EBF4: variants seen among roughly 807,000 people sequenced by gnomAD.
EBF4 encodes the protein transcription factor COE4.
A neutral mutation model predicts 67.1 loss-of-function variants in EBF4; 34 were observed. That is an observed-to-expected ratio of 0.51 (90% CI 0.39 to 0.67). The LOEUF (loss-of-function observed/expected upper bound fraction) is 0.67, where lower values mean the gene tolerates loss of function less well. Ranked by LOEUF, EBF4 falls within the 30% of genes least tolerant of loss-of-function variation. The pLI is 0.00. For synonymous variants in EBF4, 387 were observed against 377.7 expected, an observed-to-expected ratio of 1.02 and a Z score of -0.29; for missense variants, 837 against 873.3, an observed-to-expected ratio of 0.96 and a Z score of 0.52.
intron 5 of EBF4, among the ~76,000 whole-genome samples, chr20:2,708,530 G>A (rs1158133903): frequency 1.3e-5 from 2 of 152,194 alleles, no homozygotes; most frequent in Non-Finnish European, 2.9e-5. Context: ...AGGGTCCTCG[G>A]AGGCAGTTCC....
intron 6 of EBF4, among the ~76,000 whole-genome samples, chr20:2,742,753 G>A (rs1400356568): frequency 6.6e-6 from 1 of 152,112 alleles, no homozygotes; most frequent in East Asian, 1.9e-4. Context: ...CTCCTTTTCA[G>A]CCCCATAGGG....
intron 10 of EBF4, among the ~76,000 whole-genome samples, chr20:2,750,228 C>A (rs1025477462): frequency 1.3e-5 from 2 of 152,122 alleles, no homozygotes; most frequent in African/African-American, 4.8e-5. Flanking sequence ...GTCCCCCCCA[C>A]AACCAACATT....
chr20:2,723,091 A>G (rs1273311754), intron 6 of EBF4, among the ~76,000 whole-genome samples: 1 of 152,194 alleles, frequency 6.6e-6, no homozygotes, highest in Non-Finnish European at 1.5e-5. Context: ...TGACACATAT[A>G]TATTATTACT....
intron 6 of EBF4, among the ~76,000 whole-genome samples, chr20:2,720,633 C>T (rs902572430): frequency 2.0e-5 from 3 of 152,158 alleles, no homozygotes; most frequent in Non-Finnish European, 2.9e-5. Context: ...TTTATTTTTA[C>T]GTGTTATAAA....
intron 6 of EBF4, among the ~76,000 whole-genome samples, chr20:2,720,902 C>A (rs1195569672): frequency 6.6e-6 from 1 of 152,110 alleles, no homozygotes; most frequent in African/African-American, 2.4e-5. Context: ...AGATGTCGCT[C>A]CACTGTCTTC....
chr20:2,716,125 G>A (rs536439316), intron 6 of EBF4, among the ~76,000 whole-genome samples: 2 of 151,884 alleles, frequency 1.3e-5, no homozygotes, highest in South Asian at 4.2e-4. Flanking sequence ...CAGAGGTTGA[G>A]GTGGGAGGAT....
At chr20:2,693,007 CGCT>C (rs1417496110), upstream of EBF4, 5 of 136,584 alleles carry the variant, frequency 3.7e-5, no homozygotes, top group South Asian at 2.0e-4. This position sits in a 1 kb window ranked among gnomAD's most constrained non-coding sequence, Gnocchi z 4.6. Flanking sequence ...GGGGCGCTGG[CGCT>C]GGCGGCGGCG....
rs1311825271 is a variant in EBF4 at position 2,755,043 on chromosome 20, G to C, written c.1541-584G>C. ...GCTGTAAGGAAACAAAGTACCCCAG[G>C]GTGCAGGGGGAAGTGGGAGAGGGAC... On this transcript the variant is annotated intron_variant, in intron 14 of 16. Coordinates refer to ENST00000609451, the Ensembl canonical transcript of EBF4. The surrounding 1 kb of genome is among the most constrained non-coding windows in gnomAD (Gnocchi z 4.7). 6.8e-6 allele frequency: 1 copy of C among 147,558 alleles called. No homozygotes were observed. Among genetic ancestry groups the C allele is most frequent in the Admixed American group, 7.1e-5 (1 of 14,180 alleles). The allele number at this position is 147,558 out of a possible 1,614,324, so 9.1% of individuals were successfully genotyped here.
In EBF4 at chr20:2,696,729, C is replaced by T. The variant is rs1047043931; in HGVS notation, c.137+2947C>T. Among the ~76,000 whole-genome samples the T allele has an allele frequency of 6.6e-6, 1 of 152,166 alleles. No individual in the cohort carries two copies. The highest frequency in any genetic ancestry group is 2.4e-5 in the African/African-American group (1 of 41,442). On this transcript the variant is annotated intron_variant, in intron 1 of 16. Coordinates refer to ENST00000609451, the Ensembl canonical transcript of EBF4. This position sits in a 1 kb window ranked among gnomAD's most constrained non-coding sequence, Gnocchi z 4.7. The stretch of plus-strand genomic sequence containing the variant: ...GCACATCCCCTGGATTAAGTCTCAC[C>T]AGCCTCAGGACTCCCTCTTACACCC...
chr20:2,721,191 A>AG lies in EBF4; in HGVS notation c.557+11549_557+11550insG, dbSNP rs2087674728. On this transcript the variant is annotated intron_variant, in intron 6 of 16. Transcript: ENST00000609451. ...TCTACCCCTCTTCTTTGGGGACTCC[A>AG]ATTACTCACATATTGGAACTTCTTG... Among the ~76,000 whole-genome samples the AG allele has an allele frequency of 2.7e-5, 4 of 148,698 alleles. No individual in the cohort carries two copies. The East Asian group carries it at 5.8e-4, about 22-fold the overall frequency.
chr20:2,759,966 A>G (rs954526252), downstream of EBF4: 3 of 152,300 alleles, frequency 2.0e-5, no homozygotes, highest in Non-Finnish European at 4.4e-5. Context: ...CACACTCACA[A>G]TGACTCTGGC....
intron 6 of EBF4, among the ~76,000 whole-genome samples, chr20:2,738,947 C>G (rs2087928895): frequency 6.6e-6 from 1 of 152,166 alleles, no homozygotes; most frequent in East Asian, 1.9e-4. Context: ...TTATAGTCCT[C>G]CAGCCCATCT....
rs192627497 is a variant in EBF4 at position 2,729,528 on chromosome 20, C to T, written c.558-19021C>T. Reference sequence around the variant, plus strand: ...TCCTTTTGAAGCTCCCCTACTAGGCCGAAGTGAGACAGACACACCCCACAC... The same window carrying T: ...TCCTTTTGAAGCTCCCCTACTAGGCTGAAGTGAGACAGACACACCCCACAC... On this transcript the variant is annotated intron_variant, in intron 6 of 16. Transcript: ENST00000609451. 1.2e-3 allele frequency among the ~76,000 whole-genome samples: 177 copies of T among 152,156 alleles called. 1 individual carries two copies. The highest frequency in any genetic ancestry group is 1.6e-4 in the Non-Finnish European group (11 of 67,990).
intron 6 of EBF4, among the ~76,000 whole-genome samples, chr20:2,744,492 CTT>C (rs35298353): frequency 3.5e-5 from 4 of 115,870 alleles, no homozygotes; most frequent in Admixed American, 1.1e-4. Flanking sequence ...TTTTTCTTTT[CTT>C]TTTTTTTTTT....
At chr20:2,740,710 A>G (rs983589039) in intron 6 of EBF4, among the ~76,000 whole-genome samples, 3 of 152,052 alleles carry the variant, frequency 2.0e-5, no homozygotes, top group Admixed American at 6.5e-5. Context: ...ATCAAAGGAG[A>G]GCTCTCAGGA....
intron 6 of EBF4, among the ~76,000 whole-genome samples, chr20:2,729,576 G>T (rs1411861464): frequency 1.3e-5 from 2 of 152,104 alleles, no homozygotes; most frequent in Non-Finnish European, 2.9e-5. Flanking sequence ...GAGATGGGGG[G>T]AGCTACAGCA....
chr20:2,702,802 C>T (rs1270443324), intron 1 of EBF4, among the ~76,000 whole-genome samples: 2 of 152,180 alleles, frequency 1.3e-5, no homozygotes, highest in Admixed American at 1.3e-4. Flanking sequence ...CAAGGCAGTT[C>T]CCCATCCTGG....
intron 1 of EBF4, among the ~76,000 whole-genome samples, chr20:2,698,731 C>A (rs1269626922): frequency 6.6e-6 from 1 of 152,146 alleles, no homozygotes; most frequent in African/African-American, 2.4e-5. Flanking sequence ...AAGAGCCTCC[C>A]CCCATTACTG....
chr20:2,741,244 C>T (rs1407842631), intron 6 of EBF4, among the ~76,000 whole-genome samples: 3 of 151,878 alleles, frequency 2.0e-5, no homozygotes, highest in Non-Finnish European at 4.4e-5. Context: ...CCTGGGAGGT[C>T]AAGGCTGCAG....
Sources: allele counts gnomAD v4.1 joint callset (sites outside exome capture counted in the v4.1 genomes callset), GRCh38; gene constraint gnomAD v4.1.1; non-coding constraint Gnocchi (gnomAD v3.1); transcripts MANE v1.5; gene names NCBI Gene and HGNC (gene_info 2026-07-23, HGNC 2026-07-21).